Variants in FOXP1 observed in about 807,000 individuals in gnomAD.
FOXP1 encodes the protein forkhead box protein P1.
Under a neutral mutation model 98.2 loss-of-function variants are expected in FOXP1, and 15 were observed. The ratio of observed to expected loss-of-function variants is 0.15; its 90% CI spans 0.10 to 0.24. FOXP1 has a LOEUF of 0.24. Ranked by LOEUF, FOXP1 falls within the 10% of genes least tolerant of loss-of-function variation. The pLI is 1.00. For synonymous variants in FOXP1, 371 were observed against 314.5 expected (o/e 1.18, Z -1.90); for missense variants, 633 against 848.5 (o/e 0.75, Z 3.15).
intron 6 of FOXP1, among the ~76,000 whole-genome samples, chr3:71,195,736 C>T (rs768554089): frequency 3.3e-5 from 5 of 152,176 alleles, no homozygotes; most frequent in African/African-American, 4.8e-5. Flanking sequence ...GTGTGACTAC[C>T]GCAGTAATGA....
chr3:71,344,790 G>A (rs975296107), intron 4 of FOXP1, among the ~76,000 whole-genome samples: 6 of 141,908 alleles, frequency 4.2e-5, no homozygotes, highest in Non-Finnish European at 7.7e-5. Context: ...GCTGAGATGT[G>A]CCATTGCAGT....
intron 4 of FOXP1, among the ~76,000 whole-genome samples, chr3:71,344,063 C>T (rs1009225733): frequency 3.3e-5 from 5 of 152,220 alleles, no homozygotes. Flanking sequence ...TGGGCACTAT[C>T]CCACAGTCCT....
chr3:71,480,802 A>C (rs1173083045), intron 3 of FOXP1, among the ~76,000 whole-genome samples: 1 of 152,184 alleles, frequency 6.6e-6, no homozygotes, highest in Non-Finnish European at 1.5e-5. Context: ...TGCATGGTAG[A>C]TTTGAGTCCA....
chr3:71,284,157 TGATAG>T (rs1293019800), intron 5 of FOXP1, among the ~76,000 whole-genome samples: 1 of 152,156 alleles, frequency 6.6e-6, no homozygotes, highest in Non-Finnish European at 1.5e-5. Flanking sequence ...CATCCAGTAC[TGATAG>T]GATGAGAAAA....
intron 3 of FOXP1, among the ~76,000 whole-genome samples, chr3:71,393,100 ATTTTC>A (rs2081147701): frequency 6.6e-6 from 1 of 152,164 alleles, no homozygotes; most frequent in African/African-American, 2.4e-5. Context: ...TATAAGCAAT[ATTTTC>A]TTATTTAATT....
At chr3:71,435,907 C>G (rs1306978143) in intron 3 of FOXP1, among the ~76,000 whole-genome samples, 4 of 22,290 alleles carry the variant, frequency 1.8e-4, no homozygotes, top group African/African-American at 2.0e-4. Context: ...GAGGAAGGGA[C>G]GGAGGGAGGG....
chr3:71,053,863 T>C lies in FOXP1; in HGVS notation c.283-90A>G. The C allele has an allele frequency of 2.1e-6, 3 of 1,445,626 alleles. No homozygotes were observed. The African/African-American group carries it at 4.2e-5, about 20-fold the overall frequency. The allele number at this position is 1,445,626 out of a possible 1,614,324, so 89.5% of individuals were successfully genotyped here. A position where few individuals can be genotyped will look rare whatever the true frequency, so the allele number is the denominator to read the frequency against. Reference sequence around the variant, plus strand: ...AGCAGCTGACTGCCATCAGCCTGCTTAAAGAGTTGACCAATTTCCCATGCA... The same window carrying C: ...AGCAGCTGACTGCCATCAGCCTGCTCAAAGAGTTGACCAATTTCCCATGCA... On this transcript the variant is annotated intron_variant, in intron 7 of 20. Coordinates refer to ENST00000649528, the MANE Select transcript of FOXP1 (RefSeq NM_001349338.3).
rs571420464 is a variant in FOXP1, at chr3:71,460,531, A to G, written c.-168+32895T>C. Among the ~76,000 whole-genome samples the G allele has an allele frequency of 2.7e-3, 401 of 151,162 alleles. 3 individuals are homozygous for G. Among genetic ancestry groups the G allele is most frequent in the African/African-American group, 9.0e-3 (369 of 41,128 alleles). On this transcript the variant is annotated intron_variant, in intron 3 of 20. Transcript: ENST00000649528. Reference sequence around the variant, plus strand: ...AGCTCACTGCAATCTCCGCCTCCCGAGTTCAAGGAATTCTCTTGCCTCAGC... The same window carrying G: ...AGCTCACTGCAATCTCCGCCTCCCGGGTTCAAGGAATTCTCTTGCCTCAGC...
intron 2 of FOXP1, chr3:71,580,681 G>A (rs2048095684): frequency 3.8e-6 from 2 of 532,218 alleles, no homozygotes; most frequent in Non-Finnish European, 4.8e-6. Context: ...CGGGGGTGGG[G>A]GAAAGGGGAT....
At chr3:71,548,358 GT>G (rs1157759156) in intron 2 of FOXP1, among the ~76,000 whole-genome samples, 1 of 152,142 alleles carries the variant, frequency 6.6e-6, no homozygotes, top group African/African-American at 2.4e-5. Context: ...CCTCATAACA[GT>G]CTAGCATAAT....
intron 4 of FOXP1, among the ~76,000 whole-genome samples, chr3:71,304,139 C>A (rs555743433): frequency 2.0e-5 from 3 of 152,246 alleles, no homozygotes; most frequent in African/African-American, 7.2e-5. Context: ...GGGCAAAAAC[C>A]TAAAATATTA....
At chr3:71,467,597 T>TG (rs2088904614) in intron 3 of FOXP1, among the ~76,000 whole-genome samples, 1 of 152,284 alleles carries the variant, frequency 6.6e-6, no homozygotes, top group South Asian at 2.1e-4. Context: ...ATAAGATAGT[T>TG]GGGGGTAGCC....
chr3:71,464,630 C>T (rs2088505448), intron 3 of FOXP1, among the ~76,000 whole-genome samples: 1 of 152,188 alleles, frequency 6.6e-6, no homozygotes, highest in African/African-American at 2.4e-5. Flanking sequence ...AGCCCTTCTC[C>T]ATAGGCACTG....
chr3:71,380,604 G>A (rs1167434124), intron 3 of FOXP1, among the ~76,000 whole-genome samples: 2 of 151,514 alleles, frequency 1.3e-5, no homozygotes, highest in Non-Finnish European at 2.9e-5. Context: ...CATTACCATC[G>A]ACAACACTTT....
chr3:71,059,213 T>C (rs1300894752), intron 7 of FOXP1, among the ~76,000 whole-genome samples: 1 of 152,192 alleles, frequency 6.6e-6, no homozygotes, highest in Admixed American at 6.5e-5. Context: ...ACAAAAAAAT[T>C]GTAAGGCCAA....
intron 2 of FOXP1, among the ~76,000 whole-genome samples, chr3:71,554,911 C>T (rs1032503564): frequency 1.3e-5 from 2 of 151,980 alleles, no homozygotes; most frequent in Middle Eastern, 3.4e-3. Flanking sequence ...TCATTATGTC[C>T]CCAAGAGTAG....
intron 2 of FOXP1, among the ~76,000 whole-genome samples, chr3:71,547,427 G>C (rs762621271): frequency 1.3e-5 from 2 of 152,210 alleles, no homozygotes; most frequent in Non-Finnish European, 2.9e-5. Flanking sequence ...GAAGGTAGAG[G>C]TGGGGCCTCT....
At chr3:71,537,019 G>A (rs1462882148) in intron 2 of FOXP1, among the ~76,000 whole-genome samples, 1 of 152,194 alleles carries the variant, frequency 6.6e-6, no homozygotes, top group Non-Finnish European at 1.5e-5. Context: ...AGGATGTCAG[G>A]TGGACGTGGG....
At chr3:71,240,651 T>G (rs1218693146) in intron 5 of FOXP1, among the ~76,000 whole-genome samples, 1 of 151,976 alleles carries the variant, frequency 6.6e-6, no homozygotes, top group Non-Finnish European at 1.5e-5. Context: ...CACGCCATTC[T>G]CCTGCCTCAG....
Sources: gnomAD v4.1 joint callset for allele counts (sites outside exome capture counted in the v4.1 genomes callset) on GRCh38, gnomAD v4.1.1 for gene constraint, MANE v1.5 for transcripts, NCBI Gene and HGNC (gene_info 2026-07-23, HGNC 2026-07-21) for gene names.